PSMC5: variants seen among roughly 807,000 people sequenced by gnomAD.
PSMC5 encodes the protein proteasome 26S subunit, ATPase 5, also known as 26S proteasome regulatory subunit 8.
In PSMC5, 11 loss-of-function variants were observed where a neutral mutation model predicts 49.1. That is an observed-to-expected ratio of 0.22 (90% CI 0.14 to 0.37). The LOEUF is 0.37. Among genes scored for constraint, PSMC5 ranks in the 10% least tolerant of loss-of-function variants. The pLI is 1.00. For synonymous variants in PSMC5, 206 were observed against 192.2 expected (o/e 1.07, Z -0.59); for missense variants, 229 against 520.9 (o/e 0.44, Z 5.45).
At chr17:63,828,326 T>C (rs2040137857) in intron 2 of PSMC5, 117 bp downstream of exon 2, 8 of 1,010,328 alleles carry the variant, frequency 7.9e-6, no homozygotes, top group Non-Finnish European at 1.2e-5. Context: ...GCTTCTCCTT[T>C]CTTGTTTGTT....
Position 63,831,912 on chromosome 17 carries a change from C to G in PSMC5, c.1168-4C>G, listed in dbSNP as rs1170472988. ...TTAATGTTCATTCTCTCTCCCACCC[C>G]TAGGTCATGCAGAAGGACAGTGAGA... On this transcript the variant is annotated splice_region_variant and splice_polypyrimidine_tract_variant and intron_variant, in intron 11 of 11. Transcript: ENST00000310144. The surrounding 1 kb of genome is among the most constrained non-coding windows in gnomAD (Gnocchi z 6.3). 13 of 1,613,892 alleles carry G rather than the reference C, an allele frequency of 8.1e-6. No individual in the cohort carries two copies. The highest frequency in any genetic ancestry group is 1.1e-5 in the Non-Finnish European group (13 of 1,179,870).
Position 63,829,559 on chromosome 17 carries a change from T to C in PSMC5, c.162T>C (p.Ala54=). 3.2e-6 allele frequency: 5 copies of C among 1,553,828 alleles called. No individual in the cohort carries two copies. Among genetic ancestry groups the C allele is most frequent in the Non-Finnish European group, 4.4e-6 (5 of 1,148,100 alleles). The change falls in exon 3 of 12, where the codon GCT becomes GCC. Residue 54 remains alanine, a synonymous_variant. Coordinates refer to ENST00000310144, the MANE Select transcript of PSMC5 (RefSeq NM_002805.6). ...RLQAQRNELN[A]KVRLLREELQ... ...AGGCACAGAGGAACGAACTAAATGC[T>C]AAAGGTGAGTGGAGAAAGATGGGAA...
Position 63,829,842 on chromosome 17 carries a change from T to G in PSMC5, c.167-10T>G. On this transcript the variant is annotated splice_polypyrimidine_tract_variant and intron_variant, in intron 3 of 11. Coordinates refer to ENST00000310144, the MANE Select transcript of PSMC5 (RefSeq NM_002805.6). ...TAGCTAGGTGACCACTGTGTCTGTTTGCCATCTAGTTCGCCTATTGCGGGA... is the reference window on the plus strand; with the variant it reads ...TAGCTAGGTGACCACTGTGTCTGTTGGCCATCTAGTTCGCCTATTGCGGGA... 1 of 1,613,882 alleles carries G rather than the reference T, an allele frequency of 6.2e-7. No homozygotes were observed. The highest frequency in any genetic ancestry group is 8.5e-7 in the Non-Finnish European group (1 of 1,179,780).
intron 3 of PSMC5, 142 bp downstream of exon 3, chr17:63,829,705 G>T: frequency 8.3e-7 from 1 of 1,203,938 alleles, no homozygotes; most frequent in South Asian, 1.4e-5. Flanking sequence ...TCTTTTTCCT[G>T]AGCCCTATTG....
rs781120491 is a variant in PSMC5 at position 63,829,898 on chromosome 17, C to A, written c.213C>A (p.Ser71=). The part of the protein sequence containing the change: ...EELQLLQEQG[S]YVGEVVRAMD... Reference sequence around the variant, plus strand: ...TACAGCTGCTGCAGGAGCAGGGCTCCTATGTGGGGGAAGTAGTCCGGGCCA... The same window carrying A: ...TACAGCTGCTGCAGGAGCAGGGCTCATATGTGGGGGAAGTAGTCCGGGCCA... Residue 71 remains serine (S), a synonymous_variant, in exon 4 of 12, where the codon TCC becomes TCA. Transcript: ENST00000310144. 16 of 1,613,804 alleles carry A rather than the reference C, an allele frequency of 9.9e-6. No individual in the cohort carries two copies. The highest frequency in any genetic ancestry group is 1.4e-5 in the Non-Finnish European group (16 of 1,179,858).
At chr17:63,828,261 A>G in intron 2 of PSMC5, 52 bp downstream of exon 2, 1 of 1,551,558 alleles carries the variant, frequency 6.4e-7, no homozygotes, top group African/African-American at 1.4e-5. Flanking sequence ...GGGGATGGAA[A>G]CGGACTTCCA....
chr17:63,831,687 C>T lies in PSMC5; in HGVS notation c.1081-37C>T, dbSNP rs114170398. ...GGGCTCAAGGGCCACAGATGAGGGG[C>T]ACAGCAGTGGGGCCTCAATTTCCTT... On this transcript the variant is annotated intron_variant, in intron 10 of 11. Transcript: ENST00000310144. The surrounding 1 kb of genome is among the most constrained non-coding windows in gnomAD (Gnocchi z 6.3). 52 of 1,613,510 alleles carry T rather than the reference C, an allele frequency of 3.2e-5. No individual in the cohort carries two copies. Among genetic ancestry groups the T allele is most frequent in the Non-Finnish European group, 4.4e-5 (52 of 1,179,434 alleles).
In PSMC5 at chr17:63,830,754, C is replaced by G; in HGVS notation, c.553-55C>G. The G allele has an allele frequency of 1.2e-6, 2 of 1,600,950 alleles. No individual in the cohort carries two copies. The highest frequency in any genetic ancestry group is 1.1e-5 in the South Asian group (1 of 89,590). On this transcript the variant is annotated intron_variant, in intron 6 of 11. Coordinates refer to ENST00000310144, the MANE Select transcript of PSMC5 (RefSeq NM_002805.6). This position sits in a 1 kb window ranked among gnomAD's most constrained non-coding sequence, Gnocchi z 4.0. Reference sequence around the variant, plus strand: ...GGACCCAGCACTCGGTAAATGTTCACTGAATGAAATGAGGGGTGTAGCTTT... The same window carrying G: ...GGACCCAGCACTCGGTAAATGTTCAGTGAATGAAATGAGGGGTGTAGCTTT...
intron 2 of PSMC5, 140 bp downstream of exon 2, chr17:63,828,349 G>A: frequency 1.3e-6 from 1 of 776,980 alleles, no homozygotes; most frequent in Non-Finnish European, 2.1e-6. Flanking sequence ...TTAGCTAGTA[G>A]GGTGTATGTA....
In PSMC5 at chr17:63,827,534, G is replaced by C. The variant is rs76411035; in HGVS notation, c.24+20G>C. ...GAGCAGGTATGGCGGGTGCAGTGGC[G>C]GCCCGGCAGGTTACGGGGCTGGGTG... On this transcript the variant is annotated intron_variant, in intron 1 of 11. Coordinates refer to ENST00000310144, the MANE Select transcript of PSMC5 (RefSeq NM_002805.6). 1.3e-6 allele frequency: 2 copies of C among 1,551,398 alleles called. No homozygotes were observed. The highest frequency in any genetic ancestry group is 2.7e-5 in the African/African-American group (2 of 72,982).
At position 63,830,535 on chromosome 17, in the gene PSMC5, T is replaced by A. The variant is rs1261640667; in HGVS notation, c.552+34T>A. 1 of 1,609,192 alleles carries A rather than the reference T, an allele frequency of 6.2e-7. No individual in the cohort carries two copies. The highest frequency in any genetic ancestry group is 8.5e-7 in the Non-Finnish European group (1 of 1,178,322). ...CAGGGCTTCTCTGAGAGGGCCAAGC[T>A]GTACTTACTCCTCCTGCCCCAGCCA... On this transcript the variant is annotated intron_variant, in intron 6 of 11. Coordinates refer to ENST00000310144, the MANE Select transcript of PSMC5 (RefSeq NM_002805.6). This position sits in a 1 kb window ranked among gnomAD's most constrained non-coding sequence, Gnocchi z 4.0.
Position 63,831,447 on chromosome 17 carries a change from A to G in PSMC5, c.969+22A>G, listed in dbSNP as rs1376932288. 3 of 1,613,234 alleles carry G rather than the reference A, an allele frequency of 1.9e-6. No individual in the cohort carries two copies. The highest frequency in any genetic ancestry group is 1.1e-5 in the South Asian group (1 of 91,068). On this transcript the variant is annotated intron_variant, in intron 9 of 11. Coordinates refer to ENST00000310144, the MANE Select transcript of PSMC5 (RefSeq NM_002805.6). This position sits in a 1 kb window ranked among gnomAD's most constrained non-coding sequence, Gnocchi z 6.3. ...GGAGGTTTGTGATGGACACTGTGCA[A>G]AGTGGCTCTGGCTGTGGGGGTGGGG...
Position 63,831,098 on chromosome 17 carries a change from A to G in PSMC5, c.742A>G (p.Met248Val). The change falls in exon 8 of 12, where the codon ATG (methionine) becomes GTG (valine). Residue 248 changes from methionine to valine, a missense_variant. Transcript: ENST00000310144. This position sits in a 1 kb window ranked among gnomAD's most constrained non-coding sequence, Gnocchi z 6.3. ...AREHAPSIIF[M>V]DEIDSIGSSR... The stretch of plus-strand genomic sequence containing the variant: ...GGAACATGCTCCATCTATCATCTTC[A>G]TGGACGAAATCGACTCCATCGGCTC... The G allele has an allele frequency of 1.3e-6, 2 of 1,566,248 alleles. No individual in the cohort carries two copies. Among genetic ancestry groups the G allele is most frequent in the Non-Finnish European group, 1.7e-6 (2 of 1,155,240 alleles).
In PSMC5 at chr17:63,828,118, GACTC is replaced by G. The variant is rs2040134357; in HGVS notation, c.25-15_25-12del. ...CTCGGATGTTTAACCTGTCGTTTAA[GACTC>G]ACTCTGTGTCTTCAGATGGAGCTGG... is the stretch of plus-strand genomic sequence containing the variant. On this transcript the variant is annotated splice_polypyrimidine_tract_variant and intron_variant, in intron 1 of 11. Transcript: ENST00000310144. The G allele has an allele frequency of 1.9e-6, 3 of 1,609,536 alleles. No individual in the cohort carries two copies. Among genetic ancestry groups the G allele is most frequent in the Non-Finnish European group, 2.6e-6 (3 of 1,176,160 alleles).
At chr17:63,827,595 G>A in intron 1 of PSMC5, 81 bp downstream of exon 1, 1 of 1,550,482 alleles carries the variant, frequency 6.4e-7, no homozygotes, top group Non-Finnish European at 8.7e-7. Flanking sequence ...AGCGGGCCGG[G>A]GCAGGAGCGT....
Position 63,831,432 on chromosome 17 carries a change from G to A in PSMC5, c.969+7G>A, listed in dbSNP as rs376751832. ...CCCACCCCCCAATGAGGAGGTTTGT[G>A]ATGGACACTGTGCAAAGTGGCTCTG... On this transcript the variant is annotated splice_region_variant and intron_variant, in intron 9 of 11. Transcript: ENST00000310144. This position sits in a 1 kb window ranked among gnomAD's most constrained non-coding sequence, Gnocchi z 6.3. 6.2e-7 allele frequency: 1 copy of A among 1,613,780 alleles called. No homozygotes were observed. Among genetic ancestry groups the A allele is most frequent in the Non-Finnish European group, 8.5e-7 (1 of 1,179,738 alleles).
In PSMC5 at chr17:63,831,833, C is replaced by T. The variant is rs1183715846; in HGVS notation, c.1167+23C>T. On this transcript the variant is annotated intron_variant, in intron 11 of 11. Coordinates refer to ENST00000310144, the MANE Select transcript of PSMC5 (RefSeq NM_002805.6). This position sits in a 1 kb window ranked among gnomAD's most constrained non-coding sequence, Gnocchi z 6.3. ...AAGGTATAGGCCTCCATCTTTGTGCCTTTGCCAGTGGTGGCTCTGGGGCAG... is the reference window on the plus strand; with the variant it reads ...AAGGTATAGGCCTCCATCTTTGTGCTTTTGCCAGTGGTGGCTCTGGGGCAG... 1.2e-6 allele frequency: 2 copies of T among 1,613,714 alleles called. No homozygotes were observed. Among genetic ancestry groups the T allele is most frequent in the Admixed American group, 1.7e-5 (1 of 60,002 alleles).
chr17:63,828,400 C>T, intron 2 of PSMC5, 191 bp downstream of exon 2: 1 of 571,256 alleles, frequency 1.8e-6, no homozygotes, highest in South Asian at 2.2e-5. Context: ...AGTCCCATCT[C>T]TTTGAGGGTC....
chr17:63,831,824 T>A lies in PSMC5; in HGVS notation c.1167+14T>A. 1 of 1,614,034 alleles carries A rather than the reference T, an allele frequency of 6.2e-7. No homozygotes were observed. The highest frequency in any genetic ancestry group is 8.5e-7 in the Non-Finnish European group (1 of 1,179,884). ...GCAGTAGCCAAGGTATAGGCCTCCA[T>A]CTTTGTGCCTTTGCCAGTGGTGGCT... On this transcript the variant is annotated intron_variant, in intron 11 of 11. Transcript: ENST00000310144. The surrounding 1 kb of genome is among the most constrained non-coding windows in gnomAD (Gnocchi z 6.3).
Sources: gnomAD v4.1 joint callset for allele counts on GRCh38, gnomAD v4.1.1 for gene constraint, Gnocchi (gnomAD v3.1) non-coding constraint, MANE v1.5 for transcripts, NCBI Gene and HGNC (gene_info 2026-07-23, HGNC 2026-07-21) for gene names.